DNAH9: variants seen among roughly 807,000 people sequenced by gnomAD.
The protein encoded by DNAH9 is dynein axonemal heavy chain 9.
Under a neutral mutation model 471.6 loss-of-function variants are expected in DNAH9, and 345 were observed. The observed-to-expected ratio is 0.73, with a 90% confidence interval of 0.67 to 0.80. The LOEUF (loss-of-function observed/expected upper bound fraction) is 0.80. DNAH9 is among the 30% of genes least tolerant of loss of function. The pLI is 0.00. For synonymous variants in DNAH9, 2,093 were observed against 2,123.6 expected (o/e 0.99, Z 0.40); for missense variants, 5,407 against 5,609.2 (o/e 0.96, Z 1.15).
chr17:11,683,851 T>C (rs1412775606), intron 19 of DNAH9, among the ~76,000 whole-genome samples: 2 of 152,172 alleles, frequency 1.3e-5, no homozygotes, highest in African/African-American at 4.8e-5. Flanking sequence ...GCAATTTTGG[T>C]GTATTTCTCT....
intron 67 of DNAH9, among the ~76,000 whole-genome samples, chr17:11,952,309 C>CTTTT (rs753276964): frequency 0.011 from 812 of 71,060 alleles, 152 homozygotes; most frequent in East Asian, 0.016. Context: ...CCAGCTAATT[C>CTTTT]TTTTTTTTTT....
chr17:11,680,890 G>C lies in DNAH9; in HGVS notation c.3743+1G>C. The C allele has an allele frequency of 3.1e-6, 5 of 1,607,704 alleles. No individual in the cohort carries two copies. The highest frequency in any genetic ancestry group is 4.2e-6 in the Non-Finnish European group (5 of 1,177,152). ...AATTCCACAAAGAAGCCCCGTTCAG[G>C]TATGGGCCGAACACTGCTGCCTCTC... On this transcript the variant is annotated splice_donor_variant, in intron 19 of 68. Transcript: ENST00000262442. LOFTEE classifies it high-confidence loss of function.
chr17:11,609,159 G>A (rs2072572967), intron 2 of DNAH9, among the ~76,000 whole-genome samples: 1 of 152,124 alleles, frequency 6.6e-6, no homozygotes, highest in African/African-American at 2.4e-5. Context: ...GTGTATTCAG[G>A]ATCCATGATT....
intron 26 of DNAH9, among the ~76,000 whole-genome samples, chr17:11,713,681 A>G (rs760677453): frequency 7.2e-5 from 11 of 152,146 alleles, no homozygotes; most frequent in Admixed American, 2.6e-4. Context: ...ACTTCATTTT[A>G]TCTTTAACTT....
chr17:11,887,437 T>C (rs1375599748), intron 57 of DNAH9, among the ~76,000 whole-genome samples: 1 of 152,208 alleles, frequency 6.6e-6, no homozygotes, highest in Non-Finnish European at 1.5e-5. Context: ...CTGCTTATGA[T>C]TGTTGAAATA....
At chr17:11,790,483 T>C (rs914505994) in intron 41 of DNAH9, among the ~76,000 whole-genome samples, 1 of 152,074 alleles carries the variant, frequency 6.6e-6, no homozygotes, top group African/African-American at 2.4e-5. Flanking sequence ...TTAGTATGTA[T>C]GACTATTCCA....
chr17:11,685,930 G>A (rs779788894), intron 19 of DNAH9, among the ~76,000 whole-genome samples: 2 of 150,030 alleles, frequency 1.3e-5, no homozygotes, highest in African/African-American at 2.5e-5. Flanking sequence ...TCAGCCTCCC[G>A]AGTAGCTGGG....
intron 50 of DNAH9, among the ~76,000 whole-genome samples, chr17:11,865,829 G>A (rs1434573977): frequency 6.6e-6 from 1 of 152,174 alleles, no homozygotes; most frequent in Non-Finnish European, 1.5e-5. Flanking sequence ...TGAGGCTTCT[G>A]CATTCTTCAT....
chr17:11,839,152 C>T (rs1297675522), intron 49 of DNAH9, among the ~76,000 whole-genome samples: 3 of 152,110 alleles, frequency 2.0e-5, no homozygotes, highest in African/African-American at 4.8e-5. Flanking sequence ...CTATTTATTT[C>T]CCATGCATCT....
chr17:11,920,647 A>G (rs1301875246), intron 61 of DNAH9, among the ~76,000 whole-genome samples: 1 of 151,514 alleles, frequency 6.6e-6, no homozygotes, highest in Admixed American at 6.6e-5. Flanking sequence ...AAAAGAAAAA[A>G]GAAAGAAAGA....
intron 49 of DNAH9, among the ~76,000 whole-genome samples, chr17:11,844,999 C>CT (rs1027183588): frequency 6.4e-4 from 92 of 144,866 alleles, no homozygotes; most frequent in East Asian, 2.2e-3. Flanking sequence ...TTTTTACCAT[C>CT]TTTTTTTTTT....
At chr17:11,857,710 G>A (rs1467465835) in intron 50 of DNAH9, among the ~76,000 whole-genome samples, 1 of 152,184 alleles carries the variant, frequency 6.6e-6, no homozygotes, top group Non-Finnish European at 1.5e-5. Context: ...CCTGAGATGA[G>A]GCCTGGTGAG....
chr17:11,714,172 A>AT, intron 26 of DNAH9, among the ~76,000 whole-genome samples: 1 of 152,288 alleles, frequency 6.6e-6, no homozygotes, highest in Middle Eastern at 3.4e-3. Flanking sequence ...TATTAATGCG[A>AT]TTTCTCACGT....
intron 61 of DNAH9, among the ~76,000 whole-genome samples, chr17:11,923,453 A>C (rs1974206941): frequency 6.6e-6 from 1 of 151,942 alleles, no homozygotes; most frequent in African/African-American, 2.4e-5. Flanking sequence ...CTGGGACTAC[A>C]GGCGCCCACC....
At chr17:11,677,589 G>A (rs1200249040) in intron 17 of DNAH9, among the ~76,000 whole-genome samples, 1 of 152,014 alleles carries the variant, frequency 6.6e-6, no homozygotes, top group Non-Finnish European at 1.5e-5. Context: ...ATCCACTTTA[G>A]CAATATGTAT....
chr17:11,848,935 C>T (rs563313903), intron 49 of DNAH9, among the ~76,000 whole-genome samples: 1 of 152,036 alleles, frequency 6.6e-6, no homozygotes, highest in Non-Finnish European at 1.5e-5. Context: ...CTCCCGGGTT[C>T]ACGCCATTCT....
At chr17:11,752,733 C>T (rs1028324338) in intron 32 of DNAH9, 100 bp from the exon 33 acceptor site, 19 of 885,486 alleles carry the variant, frequency 2.1e-5, no homozygotes, top group African/African-American at 2.0e-4. Context: ...GTTCCATGTA[C>T]GCCCCCTTCT....
chr17:11,915,884 T>C (rs1430812600), intron 61 of DNAH9, among the ~76,000 whole-genome samples: 1 of 152,246 alleles, frequency 6.6e-6, no homozygotes, highest in Non-Finnish European at 1.5e-5. Context: ...TTTTAACTTA[T>C]GTTTTGCCTA....
At chr17:11,946,419 T>C (rs1292162796) in intron 67 of DNAH9, among the ~76,000 whole-genome samples, 1 of 151,468 alleles carries the variant, frequency 6.6e-6, no homozygotes, top group Non-Finnish European at 1.5e-5. Context: ...ATCCCAGCAC[T>C]TTGGGAGGGC....
Sources: gnomAD v4.1 joint callset for allele counts (sites outside exome capture counted in the v4.1 genomes callset) on GRCh38, gnomAD v4.1.1 for gene constraint, MANE v1.5 for transcripts, NCBI Gene and HGNC (gene_info 2026-07-23, HGNC 2026-07-21) for gene names.